MECOM: variants seen among roughly 807,000 people sequenced by gnomAD.
MECOM encodes the protein MDS1 and EVI1 complex locus.
A neutral mutation model predicts 116.3 loss-of-function variants in MECOM; 13 were observed. That is an observed-to-expected ratio of 0.11 (90% CI 0.07 to 0.18). The LOEUF (loss-of-function observed/expected upper bound fraction) is 0.18, where lower values mean the gene tolerates loss of function less well. Ranked by LOEUF, MECOM falls within the 10% of genes least tolerant of loss-of-function variation. The pLI, the probability that MECOM is intolerant of heterozygous loss-of-function variation, is 1.00. For synonymous variants in MECOM, 528 were observed against 535.2 expected, an observed-to-expected ratio of 0.99 and a Z score of 0.19; for missense variants, 1,299 against 1,509.0, an observed-to-expected ratio of 0.86 and a Z score of 2.31.
intron 1 of MECOM, among the ~76,000 whole-genome samples, chr3:169,662,856 G>T (rs1449665464): frequency 2.0e-5 from 3 of 151,904 alleles, no homozygotes; most frequent in African/African-American, 2.4e-5. Context: ...GCTCGAAAAG[G>T]CTCCCTTCTC....
At chr3:169,192,915 T>C (rs1234447037) in intron 2 of MECOM, among the ~76,000 whole-genome samples, 1 of 151,970 alleles carries the variant, frequency 6.6e-6, no homozygotes, top group Non-Finnish European at 1.5e-5. Context: ...ATGTTTGGGC[T>C]CAAGAATATG....
Position 169,149,935 on chromosome 3 carries a change from C to CTCTCTG in MECOM, c.376-6104_376-6103insCAGAGA, listed in dbSNP as rs1226990755. On this transcript the variant is annotated intron_variant, in intron 2 of 16. Coordinates refer to ENST00000651503, the MANE Select transcript of MECOM (RefSeq NM_004991.4). ...AATCTTAATCTCTCTTTCTCTCTCT[C>CTCTCTG]TGTGTGTGTGTGTGTGTGTGTGTGT... Among the ~76,000 whole-genome samples the CTCTCTG allele has an allele frequency of 1.2e-3, 151 of 131,300 alleles. 1 individual carries two copies. Among genetic ancestry groups the CTCTCTG allele is most frequent in the East Asian group, 3.7e-3 (16 of 4,310 alleles). The allele number at this position is 131,300 out of a possible 152,430, so 86.1% of individuals were successfully genotyped here. A position where few individuals can be genotyped will look rare whatever the true frequency, so the allele number is the denominator to read the frequency against.
At chr3:169,592,215 C>T (rs980837649) in intron 1 of MECOM, among the ~76,000 whole-genome samples, 6 of 152,182 alleles carry the variant, frequency 3.9e-5, no homozygotes, top group Non-Finnish European at 7.3e-5. Context: ...ATTAAAAATT[C>T]CAGGGTGTCT....
chr3:169,583,173 AC>A (rs1765324420), intron 1 of MECOM, among the ~76,000 whole-genome samples: 1 of 152,232 alleles, frequency 6.6e-6, no homozygotes, highest in Non-Finnish European at 1.5e-5. Context: ...CTAGCAAAGT[AC>A]CTGGCACACC....
chr3:169,104,002 C>CA (rs1231652273), intron 10 of MECOM, among the ~76,000 whole-genome samples: 2 of 152,166 alleles, frequency 1.3e-5, no homozygotes, highest in Admixed American at 6.5e-5. Flanking sequence ...AAACACGGTA[C>CA]AAAAAAATCT....
At chr3:169,268,014 C>A (rs1758521047) in intron 2 of MECOM, among the ~76,000 whole-genome samples, 2 of 152,112 alleles carry the variant, frequency 1.3e-5, no homozygotes, top group Admixed American at 6.5e-5. Flanking sequence ...ACCACACAAC[C>A]AATTAGTTAT....
chr3:169,607,186 C>T (rs1354184710), intron 1 of MECOM, among the ~76,000 whole-genome samples: 1 of 152,250 alleles, frequency 6.6e-6, no homozygotes, highest in Non-Finnish European at 1.5e-5. Flanking sequence ...CCAAGCGCCA[C>T]AGCAGGAAGT....
At chr3:169,376,084 A>AT (rs962044361) in intron 2 of MECOM, among the ~76,000 whole-genome samples, 3 of 152,138 alleles carry the variant, frequency 2.0e-5, no homozygotes, top group African/African-American at 7.2e-5. Flanking sequence ...AAAACACAGG[A>AT]TTATCTCAAT....
chr3:169,325,450 A>G (rs1053967438), intron 2 of MECOM, among the ~76,000 whole-genome samples: 3 of 152,206 alleles, frequency 2.0e-5, no homozygotes, highest in Admixed American at 6.5e-5. Flanking sequence ...TGTCCCCTTC[A>G]TAAAGGGTAA....
intron 2 of MECOM, among the ~76,000 whole-genome samples, chr3:169,298,262 A>G (rs962434136): frequency 1.3e-5 from 2 of 152,104 alleles, no homozygotes; most frequent in South Asian, 4.1e-4. Context: ...ATATAAAAAT[A>G]CTTCTTAATA....
intron 2 of MECOM, among the ~76,000 whole-genome samples, chr3:169,317,906 G>A (rs1720052118): frequency 6.6e-6 from 1 of 152,130 alleles, no homozygotes; most frequent in Non-Finnish European, 1.5e-5. Flanking sequence ...AAACAGCATG[G>A]TACTGGTACC....
chr3:169,472,616 A>AG (rs1345463998), intron 1 of MECOM, among the ~76,000 whole-genome samples: 6 of 71,650 alleles, frequency 8.4e-5, no homozygotes, highest in Admixed American at 1.4e-4. Flanking sequence ...AGGAAAGGAA[A>AG]GAAAAGAAAA....
chr3:169,130,953 C>T (rs762878007), intron 4 of MECOM, among the ~76,000 whole-genome samples: 1 of 152,060 alleles, frequency 6.6e-6, no homozygotes, highest in Non-Finnish European at 1.5e-5. Context: ...ATAATTTCTT[C>T]ATCTATACAT....
chr3:169,416,757 T>C (rs530431623), intron 1 of MECOM, among the ~76,000 whole-genome samples: 2 of 152,264 alleles, frequency 1.3e-5, no homozygotes, highest in South Asian at 4.1e-4. Flanking sequence ...TAAACACCTC[T>C]ATGTAAGTAA....
rs1297431894 is a variant in MECOM at position 169,097,520 on chromosome 3, A to G, written c.2850-2275T>C. ...CGAGCCTTTGAGATCATGATGTAAA[A>G]TAAAAACGCTGAAGTGAGAGCTCTG... On this transcript the variant is annotated intron_variant, in intron 12 of 16. Transcript: ENST00000651503. Among the ~76,000 whole-genome samples the G allele has an allele frequency of 6.6e-5, 10 of 152,236 alleles. No individual in the cohort carries two copies. In the East Asian group the frequency reaches 1.9e-3, roughly 29 times the overall value.
At chr3:169,412,429 T>C (rs1409063931) in intron 1 of MECOM, among the ~76,000 whole-genome samples, 1 of 152,136 alleles carries the variant, frequency 6.6e-6, no homozygotes, top group Admixed American at 6.5e-5. Flanking sequence ...AGAAAGATGA[T>C]GTTCCCTGCG....
chr3:169,121,330 C>A (rs763334871), intron 6 of MECOM, 121 bp from the exon 7 acceptor site: 198 of 1,008,754 alleles, frequency 2.0e-4, no homozygotes, highest in Middle Eastern at 6.6e-4. Flanking sequence ...CCCCAAAGAC[C>A]AAAAGTGTAC....
chr3:169,138,688 C>G (rs181341920), intron 3 of MECOM, among the ~76,000 whole-genome samples: 1 of 152,104 alleles, frequency 6.6e-6, no homozygotes, highest in Admixed American at 6.5e-5. Context: ...GACAGATACC[C>G]TTGTAAAGGA....
At position 169,121,192 on chromosome 3, in the gene MECOM, G is replaced by T. The variant is rs1239623772; in HGVS notation, c.996C>A (p.Ser332Arg). 1 of 1,610,986 alleles carries T rather than the reference G, an allele frequency of 6.2e-7. No individual in the cohort carries two copies. Among genetic ancestry groups the T allele is most frequent in the Admixed American group, 1.7e-5 (1 of 59,756 alleles). The stretch of plus-strand genomic sequence containing the variant: ...GAGAGCGAATGTGCCGCTGAAGGTT[G>T]CTAGGGTCCGTGAAAACCTGCTAGG... The part of the protein sequence containing the change: ...ENCAKVFTDP[S>R]NLQRHIRSQH... Residue 332 changes from serine (S) to arginine (R), a missense_variant, in exon 7 of 17, where the codon AGC becomes AGA. Transcript: ENST00000651503.
Sources: gnomAD v4.1 joint callset for allele counts (sites outside exome capture counted in the v4.1 genomes callset) on GRCh38, gnomAD v4.1.1 for gene constraint, MANE v1.5 for transcripts, NCBI Gene and HGNC (gene_info 2026-07-23, HGNC 2026-07-21) for gene names.